The following KLRG1 variants were observed in gnomAD, a reference collection of about 807,000 sequenced individuals.
The protein encoded by KLRG1 is killer cell lectin like receptor G1, also known as killer cell lectin-like receptor subfamily G member 1.
Under a neutral mutation model 21.8 loss-of-function variants are expected in KLRG1, and 16 were observed. That is an observed-to-expected ratio of 0.73 (90% CI 0.50 to 1.11). The LOEUF (loss-of-function observed/expected upper bound fraction) is 1.11, where lower values mean the gene tolerates loss of function less well. KLRG1 is among the 50% of genes most tolerant of loss of function. The pLI is 0.00. For synonymous variants in KLRG1, 69 were observed against 75.9 expected, an observed-to-expected ratio of 0.91 and a Z score of 0.47; for missense variants, 173 against 218.3, an observed-to-expected ratio of 0.79 and a Z score of 1.31.
At chr12:9,034,164 C>T in the KLRG1 span, among the ~76,000 whole-genome samples, 2 of 152,194 alleles carry the variant, frequency 1.3e-5, no homozygotes, top group African/African-American at 2.4e-5. Context: ...AATGATGTTT[C>T]GGTTAACAAT....
chr12:9,074,872 A>C, the KLRG1 span: 4 of 1,290,740 alleles, frequency 3.1e-6, no homozygotes, highest in Non-Finnish European at 4.3e-6. Flanking sequence ...TGAAATGAGA[A>C]TTGCATGCCC....
chr12:9,090,218 A>G, the KLRG1 span: 1 of 1,412,956 alleles, frequency 7.1e-7, no homozygotes, highest in Non-Finnish European at 9.9e-7. Context: ...CCTTGTAGGC[A>G]TCTTAGAATA....
chr12:8,956,134 G>A (rs756058252), intron 1 of KLRG1, among the ~76,000 whole-genome samples: 40 of 152,262 alleles, frequency 2.6e-4, no homozygotes, highest in African/African-American at 8.7e-4. Context: ...CTTCTTGGAC[G>A]CAGGACAAGA....
the KLRG1 span, among the ~76,000 whole-genome samples, chr12:9,035,789 C>T: frequency 2.0e-5 from 3 of 151,456 alleles, no homozygotes; most frequent in Non-Finnish European, 4.4e-5. Flanking sequence ...AAATGTGGTA[C>T]ATCTACACCA....
the KLRG1 span, chr12:9,160,025 C>A: frequency 6.2e-7 from 1 of 1,612,686 alleles, no homozygotes; most frequent in Non-Finnish European, 8.5e-7. Context: ...TCTCTGGTAA[C>A]CTGAAATGGA....
chr12:9,102,559 A>G, the KLRG1 span, among the ~76,000 whole-genome samples: 5 of 152,120 alleles, frequency 3.3e-5, no homozygotes, highest in South Asian at 6.2e-4. Flanking sequence ...GGATTCTAAT[A>G]CCTCAGAGGC....
chr12:9,170,964 C>A, the KLRG1 span, among the ~76,000 whole-genome samples: 1 of 152,146 alleles, frequency 6.6e-6, no homozygotes, highest in Non-Finnish European at 1.5e-5. This position sits in a 1 kb window ranked among gnomAD's most constrained non-coding sequence, Gnocchi z 4.6. Flanking sequence ...AGGAAGGATC[C>A]CACCCAATGC....
At chr12:9,065,672 G>A in the KLRG1 span, among the ~76,000 whole-genome samples, 1 of 152,146 alleles carries the variant, frequency 6.6e-6, no homozygotes, top group Non-Finnish European at 1.5e-5. Flanking sequence ...GAAGGGGATG[G>A]GTCCCCAGTG....
intron 1 of KLRG1, among the ~76,000 whole-genome samples, chr12:8,950,797 T>C (rs1336993797): frequency 6.6e-6 from 1 of 152,100 alleles, no homozygotes; most frequent in Non-Finnish European, 1.5e-5. Flanking sequence ...ACCAACCTTA[T>C]GAGGAAGTAT....
chr12:9,176,490 G>A, the KLRG1 span, among the ~76,000 whole-genome samples: 16 of 152,226 alleles, frequency 1.1e-4, 1 homozygote, highest in Middle Eastern at 3.4e-3. Flanking sequence ...TAAATAAAAC[G>A]CAGTCCATAT....
the KLRG1 span, chr12:9,070,433 G>A: frequency 8.6e-7 from 1 of 1,157,410 alleles, no homozygotes; most frequent in South Asian, 1.3e-5. Flanking sequence ...TCTTATGCTG[G>A]GGATACATAC....
rs1222640149 is a variant in KLRG1 at position 8,995,290 on chromosome 12, T to C, written c.357+2T>C. On this transcript the variant is annotated splice_donor_variant, in intron 3 of 4. Transcript: ENST00000356986. LOFTEE classifies it high-confidence loss of function. ...GTGATAACGGACAATCAGGAAATGG[T>C]AAATGCAAACATTTAGAAAATGTAG... is the stretch of plus-strand genomic sequence containing the variant. The C allele has an allele frequency of 1.2e-6, 2 of 1,601,846 alleles. No homozygotes were observed. The highest frequency in any genetic ancestry group is 1.7e-6 in the Non-Finnish European group (2 of 1,176,744).
chr12:9,158,438 C>T, the KLRG1 span: 1 of 1,614,118 alleles, frequency 6.2e-7, no homozygotes, highest in South Asian at 1.1e-5. Context: ...CATTGTTGAG[C>T]AGTGACCCAG....
At chr12:9,135,525 CTGTAA>C in the KLRG1 span, 1 of 356,192 alleles carries the variant, frequency 2.8e-6, no homozygotes. Flanking sequence ...GCTGAATAAA[CTGTAA>C]GGACGAATTT....
intron 1 of KLRG1, among the ~76,000 whole-genome samples, chr12:8,982,687 C>T (rs111332887): frequency 0.093 from 12,640 of 135,616 alleles, 632 homozygotes; most frequent in Non-Finnish European, 0.12. Flanking sequence ...TTCTTGTTGT[C>T]CAGGCTGGAG....
At chr12:8,976,901 C>G (rs903958745) in intron 1 of KLRG1, among the ~76,000 whole-genome samples, 4 of 151,968 alleles carry the variant, frequency 2.6e-5, no homozygotes, top group Admixed American at 6.6e-5. Flanking sequence ...CATGTACTAC[C>G]ACGCCTGGCT....
At chr12:9,033,076 G>A in the KLRG1 span, among the ~76,000 whole-genome samples, 1 of 152,302 alleles carries the variant, frequency 6.6e-6, no homozygotes, top group South Asian at 2.1e-4. Context: ...TGTGCAGAGG[G>A]CAGGAAGAAA....
intron 1 of KLRG1, among the ~76,000 whole-genome samples, chr12:8,959,819 A>G (rs1946354197): frequency 2.0e-5 from 3 of 152,092 alleles, no homozygotes; most frequent in Admixed American, 2.0e-4. Flanking sequence ...ATTGTGAAAA[A>G]TTTATTTTGT....
At chr12:9,140,270 G>A in the KLRG1 span, among the ~76,000 whole-genome samples, 1 of 152,180 alleles carries the variant, frequency 6.6e-6, no homozygotes, top group Non-Finnish European at 1.5e-5. Context: ...TAGTAGGGGG[G>A]GGCCCAGGAA....
Sources: gnomAD v4.1 joint callset for allele counts (sites outside exome capture counted in the v4.1 genomes callset) on GRCh38, gnomAD v4.1.1 for gene constraint, Gnocchi (gnomAD v3.1) non-coding constraint, MANE v1.5 for transcripts, NCBI Gene and HGNC (gene_info 2026-07-23, HGNC 2026-07-21) for gene names.